Variants in LSAMP observed in about 807,000 individuals in gnomAD.
The protein encoded by LSAMP is limbic system-associated membrane protein.
Under a neutral mutation model 38.6 loss-of-function variants are expected in LSAMP, and 7 were observed. The observed-to-expected ratio is 0.18, with a 90% CI of 0.10 to 0.34. LSAMP has a LOEUF of 0.34. Ranked by LOEUF, LSAMP falls within the 10% of genes least tolerant of loss-of-function variation. The probability of loss-of-function intolerance (pLI) is 1.00; values close to 1 mark genes in which losing one functional copy is unlikely to be tolerated. For missense variants in LSAMP, 313 were observed against 420.0 expected, an observed-to-expected ratio of 0.75 and a Z score of 2.23; for synonymous variants, 154 against 166.8, an observed-to-expected ratio of 0.92 and a Z score of 0.59.
At chr3:115,818,332 A>G (rs563588844) in intron 6 of LSAMP, among the ~76,000 whole-genome samples, 2 of 152,280 alleles carry the variant, frequency 1.3e-5, no homozygotes, top group Admixed American at 1.3e-4. Context: ...CTTTCCTAAA[A>G]GAGGCCTCAA....
At chr3:116,271,071 T>TTAGA (rs2046965787) in intron 1 of LSAMP, among the ~76,000 whole-genome samples, 1 of 152,034 alleles carries the variant, frequency 6.6e-6, no homozygotes, top group South Asian at 2.1e-4. Flanking sequence ...TAAATACACA[T>TTAGA]TAGATAATGA....
chr3:116,387,565 C>T (rs141126328), intron 1 of LSAMP, among the ~76,000 whole-genome samples: 459 of 152,168 alleles, frequency 3.0e-3, no homozygotes, highest in Non-Finnish European at 4.8e-3. Context: ...CCAAAGGTTC[C>T]GTACACAAAA....
At position 116,382,903 on chromosome 3, in the gene LSAMP, A is replaced by G. The variant is rs190753058; in HGVS notation, c.155+61974T>C. On this transcript the variant is annotated intron_variant, in intron 1 of 6. Coordinates refer to ENST00000490035, the MANE Select transcript of LSAMP (RefSeq NM_002338.5). ...GAAAATATCTTCTGTAAACACACACAGAAGAACAGCCTTAAGATAAAGAAT... is the reference window on the plus strand; with the variant it reads ...GAAAATATCTTCTGTAAACACACACGGAAGAACAGCCTTAAGATAAAGAAT... Among the ~76,000 whole-genome samples, 347 of 152,264 alleles carry G rather than the reference A, an allele frequency of 2.3e-3. 2 individuals are homozygous for G. The highest frequency in any genetic ancestry group is 6.9e-3 in the African/African-American group (288 of 41,562).
chr3:115,909,708 G>T (rs1219016777), intron 3 of LSAMP, among the ~76,000 whole-genome samples: 1 of 152,158 alleles, frequency 6.6e-6, no homozygotes, highest in Non-Finnish European at 1.5e-5. Flanking sequence ...GAGGGATAGT[G>T]CCACAAAGAT....
intron 2 of LSAMP, among the ~76,000 whole-genome samples, chr3:116,061,441 T>C (rs1377671333): frequency 1.3e-5 from 2 of 152,232 alleles, no homozygotes; most frequent in Admixed American, 6.5e-5. Flanking sequence ...GGCATGGTGA[T>C]ACAGCCCAAT....
chr3:116,159,795 T>C (rs1357977062), intron 1 of LSAMP, among the ~76,000 whole-genome samples: 3 of 152,220 alleles, frequency 2.0e-5, no homozygotes, highest in African/African-American at 7.2e-5. Flanking sequence ...ACTGCAGCAC[T>C]GTTCACAATA....
intron 1 of LSAMP, among the ~76,000 whole-genome samples, chr3:116,135,095 C>G (rs563693292): frequency 1.8e-4 from 28 of 152,200 alleles, no homozygotes; most frequent in Admixed American, 1.6e-3. Context: ...TGTTCATAAC[C>G]ATTTATAGCT....
intron 1 of LSAMP, among the ~76,000 whole-genome samples, chr3:116,318,805 T>A (rs76710406): frequency 0.012 from 1,816 of 152,312 alleles, 30 homozygotes; most frequent in African/African-American, 0.038. Flanking sequence ...GCTAATTAAA[T>A]GCTGTAAGAG....
intron 3 of LSAMP, among the ~76,000 whole-genome samples, chr3:115,890,262 T>C (rs1363150237): frequency 6.6e-6 from 1 of 151,916 alleles, no homozygotes; most frequent in Non-Finnish European, 1.5e-5. Flanking sequence ...TCTGAACTTG[T>C]ACAAAGAATA....
In LSAMP at chr3:116,445,006, C is replaced by T. The variant is rs779543370; in HGVS notation, c.26G>A (p.Arg9Gln). The T allele has an allele frequency of 2.5e-6, 4 of 1,613,892 alleles. No homozygotes were observed. The African/African-American group carries it at 4.0e-5, about 16-fold the overall frequency. Reference sequence around the variant, plus strand: ...CAGTAGGACCAGTGGCAACTGTTTCCGATCCGGCTGAACTCTCCTGACCAT... The same window carrying T: ...CAGTAGGACCAGTGGCAACTGTTTCTGATCCGGCTGAACTCTCCTGACCAT... MVRRVQPD[R>Q]KQLPLVLLRL... Residue 9 changes from arginine (R) to glutamine (Q), a missense_variant, in exon 1 of 7, where the codon CGG (arginine) becomes CAG (glutamine). Physicochemically the swap from Arg to Gln is conservative, Grantham distance 43 (BLOSUM62 1). Transcript: ENST00000490035.
At chr3:116,012,063 C>T (rs1180657048) in intron 3 of LSAMP, among the ~76,000 whole-genome samples, 1 of 152,124 alleles carries the variant, frequency 6.6e-6, no homozygotes, top group East Asian at 1.9e-4. Flanking sequence ...GAGGCTTTTG[C>T]CTGTATAGAT....
intron 3 of LSAMP, among the ~76,000 whole-genome samples, chr3:115,864,061 G>C (rs1188362267): frequency 6.6e-6 from 1 of 152,118 alleles, no homozygotes; most frequent in Admixed American, 6.5e-5. Context: ...CTGTTCAACT[G>C]TGGCTATTAA....
At chr3:116,279,352 G>A (rs2047096623) in intron 1 of LSAMP, among the ~76,000 whole-genome samples, 4 of 152,258 alleles carry the variant, frequency 2.6e-5, no homozygotes, top group Middle Eastern at 3.4e-3. Context: ...TTTCCAACTA[G>A]GCTTTCCAAA....
intron 3 of LSAMP, among the ~76,000 whole-genome samples, chr3:115,903,437 T>G (rs1936929484): frequency 6.6e-6 from 1 of 151,996 alleles, no homozygotes. Flanking sequence ...CAAACCCCAG[T>G]GACATGAGTT....
intron 6 of LSAMP, among the ~76,000 whole-genome samples, chr3:115,832,477 A>C (rs1934646155): frequency 6.6e-6 from 1 of 152,178 alleles, no homozygotes; most frequent in Admixed American, 6.5e-5. Flanking sequence ...TGCTTCTCAT[A>C]GATATTTGGG....
rs1933680305 is a variant in LSAMP at position 115,808,127 on chromosome 3, TCCCTCCCTCCCTCCCTCCCTCCCC to T, written c.*2166_*2189del. 2.0e-5 allele frequency: 1 copy of T among 50,716 alleles called. No homozygotes were observed. The highest frequency in any genetic ancestry group is 9.1e-5 in the African/African-American group (1 of 11,034). The allele number at this position is 50,716 out of a possible 1,614,324, so 3.1% of individuals were successfully genotyped here. A position where few individuals can be genotyped will look rare whatever the true frequency, so the allele number is the denominator to read the frequency against. ...CTTCCTTCCTCCCTCCCTCCCTCCC[TCCCTCCCTCCCTCCCTCCCTCCCC>T]CCCTTCCCCGTCCCCCCCTCCCTGC... On this transcript the variant is annotated 3_prime_UTR_variant, in exon 7 of 7. Coordinates refer to ENST00000490035, the MANE Select transcript of LSAMP (RefSeq NM_002338.5).
At chr3:115,977,485 A>T (rs7636036) in intron 3 of LSAMP, among the ~76,000 whole-genome samples, 42,104 of 152,058 alleles carry the variant, frequency 0.28, 7,053 homozygotes, top group African/African-American at 0.48. Context: ...CCTGCCAGAC[A>T]TGGCCAGTCA....
intron 3 of LSAMP, among the ~76,000 whole-genome samples, chr3:115,995,308 A>G (rs1939783355): frequency 6.6e-6 from 1 of 152,046 alleles, no homozygotes; most frequent in African/African-American, 2.4e-5. Context: ...GTGCCTGTTC[A>G]TAGTGAAGGC....
chr3:115,979,141 A>T (rs561433921), intron 3 of LSAMP, among the ~76,000 whole-genome samples: 3 of 152,120 alleles, frequency 2.0e-5, no homozygotes, highest in Admixed American at 2.0e-4. Flanking sequence ...GATTTTTTTT[A>T]AAAGGAGTGC....
Sources: gnomAD v4.1 joint callset for allele counts (sites outside exome capture counted in the v4.1 genomes callset) on GRCh38, gnomAD v4.1.1 for gene constraint, MANE v1.5 for transcripts, NCBI Gene and HGNC (gene_info 2026-07-23, HGNC 2026-07-21) for gene names.